NPHP3: variants seen among roughly 807,000 people sequenced by gnomAD.
NPHP3 encodes nephrocystin 3.
Under a neutral mutation model 171.9 loss-of-function variants are expected in NPHP3, and 123 were observed. The observed-to-expected ratio is 0.72, with a 90% CI of 0.62 to 0.83. The LOEUF (loss-of-function observed/expected upper bound fraction) is 0.83. NPHP3 is among the 40% of genes least tolerant of loss of function. The probability of loss-of-function intolerance (pLI) is 0.00; values close to 1 mark genes in which losing one functional copy is unlikely to be tolerated. For synonymous variants in NPHP3, 558 were observed against 579.2 expected, an observed-to-expected ratio of 0.96 and a Z score of 0.52; for missense variants, 1,506 against 1,591.9, an observed-to-expected ratio of 0.95 and a Z score of 0.92.
At chr3:132,682,593 C>T (rs188442761) in intron 26 of NPHP3, 110 bp downstream of exon 26, 571 of 720,522 alleles carry the variant, frequency 7.9e-4, no homozygotes, top group Non-Finnish European at 1.3e-3. Context: ...AAAAAACAAC[C>T]CCTCCCCACT....
At position 132,692,849 on chromosome 3, in the gene NPHP3, T is replaced by C. The variant is rs908222698; in HGVS notation, c.2311-31A>G. Reference sequence around the variant, plus strand: ...TAGAAAAACAAATTAACAGTAATCATAAAGCACCTGTATAAGTAACTAACG... The same window carrying C: ...TAGAAAAACAAATTAACAGTAATCACAAAGCACCTGTATAAGTAACTAACG... On this transcript the variant is annotated intron_variant, in intron 16 of 26. Coordinates refer to ENST00000337331, the MANE Select transcript of NPHP3 (RefSeq NM_153240.5). 3.8e-6 allele frequency: 6 copies of C among 1,596,174 alleles called. No individual in the cohort carries two copies. In the Admixed American group the frequency reaches 6.7e-5, roughly 18 times the overall value.
intron 7 of NPHP3, among the ~76,000 whole-genome samples, chr3:132,706,584 T>C (rs1406817420): frequency 6.6e-6 from 1 of 152,128 alleles, no homozygotes; most frequent in Non-Finnish European, 1.5e-5. Context: ...ATGCCCAATC[T>C]GTAAGAACAT....
chr3:132,707,341 G>A (rs977529393), intron 7 of NPHP3, among the ~76,000 whole-genome samples: 4 of 152,124 alleles, frequency 2.6e-5, no homozygotes, highest in African/African-American at 9.7e-5. Context: ...GCCTGTGCCT[G>A]TAGTCCCAGC....
In NPHP3 at chr3:132,684,587, C is replaced by T. The variant is rs761585621; in HGVS notation, c.3537G>A (p.Thr1179=). 17 of 1,613,852 alleles carry T rather than the reference C, an allele frequency of 1.1e-5. No homozygotes were observed. Among genetic ancestry groups the T allele is most frequent in the Middle Eastern group, 1.6e-4 (1 of 6,082 alleles). ...LAPDHPSLAY[T]VKHLAILYKK... Reference sequence around the variant, plus strand: ...TATACAAGATGGCAAGATGCTTCACCGTATATGCCAAAGAAGGGTGATCAG... The same window carrying T: ...TATACAAGATGGCAAGATGCTTCACTGTATATGCCAAAGAAGGGTGATCAG... Residue 1179 remains threonine, a synonymous_variant, in exon 24 of 27, where the codon ACG becomes ACA. Transcript: ENST00000337331.
At chr3:132,721,359 A>G (rs972574842) in intron 1 of NPHP3, 2 of 169,720 alleles carry the variant, frequency 1.2e-5, no homozygotes, top group African/African-American at 4.8e-5. Flanking sequence ...TGAGATCAGG[A>G]GGCTTCCAGA....
Position 132,684,640 on chromosome 3 carries a change from A to G in NPHP3, c.3484T>C (p.Leu1162=). The G allele has an allele frequency of 6.2e-7, 1 of 1,614,094 alleles. No individual in the cohort carries two copies. Among genetic ancestry groups the G allele is most frequent in the Non-Finnish European group, 8.5e-7 (1 of 1,179,970 alleles). ...GCTAATGCACGTCTCCGAATATCTA[A>G]AGCTCTTTCATAAAGTTCTTCTGCT... ...DKAEELYERA[L]DIRRRALAPD... Residue 1162 remains leucine, a synonymous_variant, in exon 24 of 27, where the codon TTA becomes CTA. Transcript: ENST00000337331.
rs1559999084 is a variant in NPHP3 at position 132,682,693 on chromosome 3, A to G, written c.3812+10T>C. The G allele has an allele frequency of 1.3e-6, 2 of 1,542,468 alleles. No individual in the cohort carries two copies. The highest frequency in any genetic ancestry group is 1.7e-5 in the Admixed American group (1 of 59,928). On this transcript the variant is annotated intron_variant, in intron 26 of 26. Transcript: ENST00000337331. ...AGAGGCTGTATAAGGAAAGTGAAAA[A>G]AATTCTTACCTAAGCACAGCTAAAT...
chr3:132,692,322 A>G (rs1939320269), intron 17 of NPHP3, among the ~76,000 whole-genome samples: 1 of 152,226 alleles, frequency 6.6e-6, no homozygotes, highest in Non-Finnish European at 1.5e-5. Flanking sequence ...GTATAATAAT[A>G]CCGCAATTCA....
In NPHP3 at chr3:132,688,758, T is replaced by G; in HGVS notation, c.3017A>C (p.Gln1006Pro). 1 of 1,614,176 alleles carries G rather than the reference T, an allele frequency of 6.2e-7. No homozygotes were observed. Among genetic ancestry groups the G allele is most frequent in the Non-Finnish European group, 8.5e-7 (1 of 1,180,006 alleles). Reference protein sequence around the residue: ...VQWKKFGNAEQLYKQALEISE... With the variant: ...VQWKKFGNAEPLYKQALEISE... Reference sequence around the variant, plus strand: ...GATTTCCAACGCCTGTTTATACAGTTGTTCTGCATTGCCAAACTTCTTCCA... The same window carrying G: ...GATTTCCAACGCCTGTTTATACAGTGGTTCTGCATTGCCAAACTTCTTCCA... The change falls in exon 21 of 27, where the codon CAA becomes CCA. Residue 1006 changes from glutamine (Q) to proline (P), a missense_variant. Transcript: ENST00000337331.
intron 19 of NPHP3, among the ~76,000 whole-genome samples, chr3:132,689,769 A>G (rs1022639240): frequency 4.6e-5 from 7 of 152,250 alleles, no homozygotes; most frequent in Non-Finnish European, 2.9e-5. Flanking sequence ...GACAAAAGTA[A>G]GCTTATTCAT....
chr3:132,688,782 C>G lies in NPHP3; in HGVS notation c.2993G>C (p.Trp998Ser). ...TTGTTCTGCATTGCCAAACTTCTTC[C>G]ACTGCACGTATACACTTGCTAGTTG... ...LHQLASVYVQ[W>S]KKFGNAEQLY... Residue 998 changes from tryptophan to serine, a missense_variant, in exon 21 of 27, where the codon TGG becomes TCG. This residue lies in a region of NPHP3 where 569 missense variants were observed against 648.1 expected (regional missense o/e 0.88). Transcript: ENST00000337331. The G allele has an allele frequency of 6.2e-7, 1 of 1,614,096 alleles. No homozygotes were observed.
intron 8 of NPHP3, 76 bp from the exon 9 acceptor site, chr3:132,704,447 G>GTAGGTGAAGCCCACTT: frequency 6.5e-7 from 1 of 1,537,888 alleles, no homozygotes; most frequent in Non-Finnish European, 9.0e-7. Flanking sequence ...CAGGCCCAAA[G>GTAGGTGAAGCCCACTT]TGGGCTTCAC....
intron 13 of NPHP3, 83 bp downstream of exon 13, chr3:132,699,270 C>A: frequency 1.1e-6 from 1 of 944,034 alleles, no homozygotes; most frequent in South Asian, 1.4e-5. Flanking sequence ...AATGTGAAAA[C>A]CATAAATGCA....
chr3:132,722,181 A>ACCCGGG lies in NPHP3; in HGVS notation c.169_174dup (p.Pro57_Gly58dup), dbSNP rs1553775768. ...CCCGCGCCCACCCCGCGGGGCAGCG[A>ACCCGGG]CCCGGGCCCGGCCCCTGCTGCCGCC... is the stretch of plus-strand genomic sequence containing the variant. On this transcript the variant is annotated inframe_insertion, in exon 1 of 27. Transcript: ENST00000337331. The ACCCGGG allele has an allele frequency of 5.9e-6, 9 of 1,535,320 alleles. No individual in the cohort carries two copies. Among genetic ancestry groups the ACCCGGG allele is most frequent in the African/African-American group, 1.4e-5 (1 of 70,596 alleles).
Position 132,718,974 on chromosome 3 carries a change from T to TA in NPHP3, c.670+19dup. The TA allele has an allele frequency of 6.2e-7, 1 of 1,613,642 alleles. No homozygotes were observed. Among genetic ancestry groups the TA allele is most frequent in the Non-Finnish European group, 8.5e-7 (1 of 1,179,646 alleles). ...ACAGCCATGTTGAAAGCTCAAAATATAAATAGGATATACACTTACCAGTGA... is the reference window on the plus strand; with the variant it reads ...ACAGCCATGTTGAAAGCTCAAAATATAAAATAGGATATACACTTACCAGTGA... On this transcript the variant is annotated intron_variant, in intron 3 of 26. Transcript: ENST00000337331.
chr3:132,695,101 A>C (rs1939419040), intron 15 of NPHP3, 136 bp from the exon 16 acceptor site: 1 of 791,004 alleles, frequency 1.3e-6, no homozygotes, highest in South Asian at 1.5e-5. Context: ...ATGATAAAGG[A>C]AAGTGGTAGT....
Position 132,722,133 on chromosome 3 carries a change from T to C in NPHP3, c.223A>G (p.Lys75Glu). 1 of 1,602,978 alleles carries C rather than the reference T, an allele frequency of 6.2e-7. No individual in the cohort carries two copies. Among genetic ancestry groups the C allele is most frequent in the Non-Finnish European group, 8.5e-7 (1 of 1,178,472 alleles). The change falls in exon 1 of 27, where the codon AAG becomes GAG. Residue 75 changes from lysine (K) to glutamate (E), a missense_variant. By Grantham distance (56) the Lys-to-Glu change is moderately conservative. This residue lies in a region of NPHP3 where 930 missense variants were observed against 924.9 expected (regional missense o/e 1.01). Transcript: ENST00000337331. ...TCTGGCACCGACGAGCCAGTGGACT[T>C]GAAGCTGGCCCCCAGCAGCCCGCCC... ...GAGGLLGASF[K>E]STGSSVPELE...
At chr3:132,718,638 T>C (rs1475015498) in intron 3 of NPHP3, among the ~76,000 whole-genome samples, 1 of 152,246 alleles carries the variant, frequency 6.6e-6, no homozygotes, top group Admixed American at 6.5e-5. Context: ...AGAAGTGATC[T>C]TAGGTTGTAC....
rs1560000993 is a variant in NPHP3 at position 132,686,390 on chromosome 3, G to GCAGCAAA, written c.3202-10_3202-4dup. 1 of 1,613,860 alleles carries GCAGCAAA rather than the reference G, an allele frequency of 6.2e-7. No homozygotes were observed. Among genetic ancestry groups the GCAGCAAA allele is most frequent in the Admixed American group, 1.7e-5 (1 of 60,012 alleles). On this transcript the variant is annotated splice_region_variant and splice_polypyrimidine_tract_variant and intron_variant, in intron 22 of 26. Coordinates refer to ENST00000337331, the MANE Select transcript of NPHP3 (RefSeq NM_153240.5). ...CTACGTAAAAGGGCAAATCCGTACT[G>GCAGCAAA]CAGCAAACATGAAAAATGAAAAGCA...
Sources: allele counts gnomAD v4.1 joint callset (sites outside exome capture counted in the v4.1 genomes callset), GRCh38; gene constraint gnomAD v4.1.1; regional missense constraint gnomAD v4.1.1; transcripts MANE v1.5; gene names NCBI Gene and HGNC (gene_info 2026-07-23, HGNC 2026-07-21).